Variants in KLHL4 observed in about 807,000 individuals in gnomAD.
KLHL4 encodes the protein kelch-like protein 4.
A neutral mutation model predicts 45.8 loss-of-function variants in KLHL4; 17 were observed. That is an observed-to-expected ratio of 0.37 (90% CI 0.25 to 0.56). KLHL4 has a LOEUF of 0.56. Among genes scored for constraint, KLHL4 ranks in the 20% least tolerant of loss-of-function variants. KLHL4 has a pLI of 0.79. For synonymous variants in KLHL4, 224 were observed against 189.9 expected (o/e 1.18, Z -1.47); for missense variants, 544 against 544.9 (o/e 1.00, Z 0.02).
chrX:87,626,865 A>G (rs1282641540), intron 6 of KLHL4, among the ~76,000 whole-genome samples: 1 of 111,620 alleles, frequency 9.0e-6, no homozygotes, highest in Admixed American at 9.6e-5. Flanking sequence ...CATAATAACA[A>G]GAGTGAGGTG....
chrX:87,571,729 C>T (rs1175485969), intron 1 of KLHL4, among the ~76,000 whole-genome samples: 1 of 111,006 alleles, frequency 9.0e-6, no homozygotes, highest in African/African-American at 3.3e-5. Flanking sequence ...ACAGTTTATC[C>T]ATCCCCTATG....
chrX:87,600,257 T>TG (rs1569350435), intron 1 of KLHL4, among the ~76,000 whole-genome samples: 1 of 109,392 alleles, frequency 9.1e-6, no homozygotes, highest in Non-Finnish European at 1.9e-5. Flanking sequence ...GAGGCCGAGG[T>TG]GGGCGGATCA....
intron 2 of KLHL4, among the ~76,000 whole-genome samples, 189 bp downstream of exon 2, chrX:87,614,233 G>A (rs1569353699): frequency 1.8e-5 from 2 of 111,323 alleles, no homozygotes; most frequent in Admixed American, 9.6e-5. Flanking sequence ...GACTGATGAT[G>A]GAAAGTACAG....
chrX:87,637,680 G>A lies in KLHL4; in HGVS notation c.1925+1905G>A, dbSNP rs185359537. 6.2e-5 allele frequency among the ~76,000 whole-genome samples: 7 copies of A among 112,202 alleles called. No individual in the cohort carries two copies. In the East Asian group the frequency reaches 1.7e-3, roughly 27 times the overall value. On this transcript the variant is annotated intron_variant, in intron 9 of 10. Coordinates refer to ENST00000373119, the MANE Select transcript of KLHL4 (RefSeq NM_019117.5). Reference sequence around the variant, plus strand: ...AAAGCAGTCACAGGCTAGGCATGGTGGCTCATAACTATAATCCCAGCACTT... The same window carrying A: ...AAAGCAGTCACAGGCTAGGCATGGTAGCTCATAACTATAATCCCAGCACTT...
At chrX:87,582,834 G>T (rs988218508) in intron 1 of KLHL4, among the ~76,000 whole-genome samples, 4 of 111,866 alleles carry the variant, frequency 3.6e-5, no homozygotes, top group African/African-American at 1.3e-4. Flanking sequence ...AAGATTTATT[G>T]TGAAGAGCGG....
intron 1 of KLHL4, among the ~76,000 whole-genome samples, chrX:87,547,253 G>C (rs1339230191): frequency 9.0e-6 from 1 of 110,669 alleles, no homozygotes; most frequent in Non-Finnish European, 1.9e-5. Flanking sequence ...TTTCCATGCT[G>C]TTCTTGTGAC....
chrX:87,657,677 G>A (rs1488204538), intron 9 of KLHL4, among the ~76,000 whole-genome samples: 4 of 111,517 alleles, frequency 3.6e-5, no homozygotes, highest in Non-Finnish European at 5.7e-5. Context: ...AGGCAGCTGG[G>A]GTGGTGGTAG....
chrX:87,543,675 C>A (rs986138316), intron 1 of KLHL4, among the ~76,000 whole-genome samples: 2 of 111,246 alleles, frequency 1.8e-5, no homozygotes, highest in Non-Finnish European at 3.8e-5. Context: ...CCAGCCCTAG[C>A]CAGAGGGGAA....
At position 87,614,024 on chromosome X, in the gene KLHL4, C is replaced by T; in HGVS notation, c.570C>T (p.His190=). 1 of 1,201,536 alleles carries T rather than the reference C, an allele frequency of 8.3e-7. No homozygotes were observed. The highest frequency in any genetic ancestry group is 1.1e-6 in the Non-Finnish European group (1 of 890,429). The change falls in exon 2 of 11, where the codon CAC becomes CAT. Residue 190 remains histidine, a synonymous_variant. Transcript: ENST00000373119. Reference sequence around the variant, plus strand: ...GTGATGTGCTACTGATTGCAGGACACCTCCGCATCCCAGCCCATAGGTAAG... The same window carrying T: ...GTGATGTGCTACTGATTGCAGGACATCTCCGCATCCCAGCCCATAGGTAAG... The part of the protein sequence containing the change: ...QLCDVLLIAG[H]LRIPAHRLVL...
At position 87,573,969 on chromosome X, in the gene KLHL4, G is replaced by C. The variant is rs757612107; in HGVS notation, c.423-39908G>C. Among the ~76,000 whole-genome samples the C allele has an allele frequency of 7.1e-4, 79 of 111,518 alleles. 1 individual carries two copies. Among genetic ancestry groups the C allele is most frequent in the African/African-American group, 2.5e-3 (77 of 30,823 alleles). ...AAATCCTGAAGAATGGATGCTAAATGTAACAATATCATTTAAATATGTAAG... is the reference window on the plus strand; with the variant it reads ...AAATCCTGAAGAATGGATGCTAAATCTAACAATATCATTTAAATATGTAAG... On this transcript the variant is annotated intron_variant, in intron 1 of 10. Transcript: ENST00000373119.
intron 9 of KLHL4, among the ~76,000 whole-genome samples, chrX:87,644,906 G>C (rs1035052942): frequency 4.5e-5 from 5 of 111,622 alleles, no homozygotes; most frequent in African/African-American, 1.3e-4. Flanking sequence ...AACTTGGGAT[G>C]GATTAAGGTC....
Position 87,613,995 on chromosome X carries a change from C to T in KLHL4, c.541C>T (p.Leu181=). The T allele has an allele frequency of 8.3e-7, 1 of 1,208,314 alleles. No homozygotes were observed. Among genetic ancestry groups the T allele is most frequent in the East Asian group, 3.0e-5 (1 of 33,755 alleles). The part of the protein sequence containing the change: ...KMENYLKEKQ[L]CDVLLIAGHL... ...GGAGAACTACTTGAAAGAGAAACAA[C>T]TATGTGATGTGCTACTGATTGCAGG... The change falls in exon 2 of 11, where the codon CTA becomes TTA. Residue 181 remains leucine (L), a synonymous_variant. Transcript: ENST00000373119.
intron 1 of KLHL4, among the ~76,000 whole-genome samples, chrX:87,602,713 C>G (rs1328962873): frequency 1.8e-5 from 2 of 111,303 alleles, no homozygotes; most frequent in Non-Finnish European, 3.8e-5. Flanking sequence ...TGTTAAACAA[C>G]TTGTGTCTGT....
chrX:87,654,133 TAATAA>T (rs58950637), intron 9 of KLHL4, among the ~76,000 whole-genome samples: 1,547 of 111,382 alleles, frequency 0.014, 28 homozygotes, highest in African/African-American at 0.049. Flanking sequence ...CCCTGGAAAT[TAATAA>T]AATAAAATAA....
intron 1 of KLHL4, among the ~76,000 whole-genome samples, chrX:87,566,475 A>G (rs1356021368): frequency 4.5e-5 from 5 of 112,073 alleles, no homozygotes. Flanking sequence ...TGCTCAGAAC[A>G]TTTACATTAG....
chrX:87,611,402 A>G (rs1922365292), intron 1 of KLHL4, among the ~76,000 whole-genome samples: 1 of 110,936 alleles, frequency 9.0e-6, no homozygotes, highest in Middle Eastern at 4.7e-3. Flanking sequence ...ACAGTTATGA[A>G]CTGCATCATG....
intron 1 of KLHL4, among the ~76,000 whole-genome samples, chrX:87,578,838 A>T (rs1367389233): frequency 8.9e-6 from 1 of 111,900 alleles, no homozygotes; most frequent in African/African-American, 3.3e-5. Flanking sequence ...TAACAAAAAA[A>T]ATGGGGGTAG....
intron 9 of KLHL4, among the ~76,000 whole-genome samples, chrX:87,639,767 C>T (rs1923389296): frequency 9.2e-6 from 1 of 109,194 alleles, no homozygotes; most frequent in African/African-American, 3.3e-5. Context: ...TGAAAGAGCA[C>T]AAATAGACAA....
intron 5 of KLHL4, among the ~76,000 whole-genome samples, chrX:87,623,668 C>G (rs1373007403): frequency 9.0e-6 from 1 of 111,191 alleles, no homozygotes; most frequent in African/African-American, 3.3e-5. Context: ...AAGAATCTAT[C>G]CATATGCAAT....
Sources: gnomAD v4.1 joint callset for allele counts (sites outside exome capture counted in the v4.1 genomes callset) on GRCh38, gnomAD v4.1.1 for gene constraint, MANE v1.5 for transcripts, NCBI Gene and HGNC (gene_info 2026-07-23, HGNC 2026-07-21) for gene names.